The following AGL variants were observed in gnomAD, a reference collection of about 807,000 sequenced individuals.
AGL encodes amylo-alpha-1,6-glucosidase and 4-alpha-glucanotransferase, also known as glycogen debranching enzyme.
In AGL, 128 loss-of-function variants were observed where a neutral mutation model predicts 199.3. That is an observed-to-expected ratio of 0.64 (90% CI 0.56 to 0.74). The LOEUF (loss-of-function observed/expected upper bound fraction) is 0.74, where lower values mean the gene tolerates loss of function less well. Among genes scored for constraint, AGL ranks in the 30% least tolerant of loss-of-function variants. The probability of loss-of-function intolerance (pLI) is 0.00; values close to 1 mark genes in which losing one functional copy is unlikely to be tolerated. For synonymous variants in AGL, 584 were observed against 594.7 expected, an observed-to-expected ratio of 0.98 and a Z score of 0.26; for missense variants, 1,809 against 1,820.8, an observed-to-expected ratio of 0.99 and a Z score of 0.12.
In AGL at chr1:99,923,694, T is replaced by C. The variant is rs1479524882; in HGVS notation, c.*2043T>C. ...GAATTAGATTTTTAACAGGTGTCATTTGACTAAACGTTTCGGTAGAATGCT... is the reference window on the plus strand; with the variant it reads ...GAATTAGATTTTTAACAGGTGTCATCTGACTAAACGTTTCGGTAGAATGCT... On this transcript the variant is annotated 3_prime_UTR_variant, in exon 34 of 34. Coordinates refer to ENST00000361915, the MANE Select transcript of AGL (RefSeq NM_000642.3). The C allele has an allele frequency of 1.3e-5, 2 of 152,192 alleles. No individual in the cohort carries two copies. Among genetic ancestry groups the C allele is most frequent in the African/African-American group, 4.8e-5 (2 of 41,462 alleles). The allele number at this position is 152,192 out of a possible 1,614,324, so 9.4% of individuals were successfully genotyped here.
In AGL at chr1:99,900,690, A is replaced by G; in HGVS notation, c.3417A>G (p.Leu1139=). ...TGAGGCATGGTCTCATTCCTAATCT[A>G]CTGGGTGAAGGAATTTATGCCAGAT... The part of the protein sequence containing the change: ...GTLRHGLIPN[L]LGEGIYARYN... The change falls in exon 26 of 34, where the codon CTA becomes CTG. Residue 1139 remains leucine (L), a synonymous_variant. Transcript: ENST00000361915. 1 of 1,614,114 alleles carries G rather than the reference A, an allele frequency of 6.2e-7. No homozygotes were observed. The highest frequency in any genetic ancestry group is 8.5e-7 in the Non-Finnish European group (1 of 1,180,022).
At chr1:99,914,603 T>A (rs1354207079) in intron 30 of AGL, among the ~76,000 whole-genome samples, 1 of 152,208 alleles carries the variant, frequency 6.6e-6, no homozygotes, top group Non-Finnish European at 1.5e-5. Flanking sequence ...ACCATTAAAA[T>A]TAATGCATAT....
chr1:99,866,457 A>G (rs1442157559), intron 5 of AGL, among the ~76,000 whole-genome samples: 1 of 152,158 alleles, frequency 6.6e-6, no homozygotes, highest in African/African-American at 2.4e-5. Context: ...CATTCTCCCC[A>G]GTGGAAATGA....
intron 27 of AGL, among the ~76,000 whole-genome samples, chr1:99,905,781 A>G (rs545224962): frequency 6.6e-5 from 10 of 151,944 alleles, no homozygotes; most frequent in South Asian, 6.2e-4. Context: ...GAGTCTCCCT[A>G]TGTTCCCCAG....
chr1:99,916,342 T>A (rs1301139385), intron 31 of AGL, 68 bp from the exon 32 acceptor site: 1 of 1,259,494 alleles, frequency 7.9e-7, no homozygotes. Context: ...GTTATTGAAA[T>A]TTTTCTAATG....
intron 27 of AGL, among the ~76,000 whole-genome samples, chr1:99,910,496 A>G (rs1224285804): frequency 3.3e-5 from 5 of 152,154 alleles, no homozygotes; most frequent in East Asian, 1.9e-4. Flanking sequence ...TCTCTAGAAT[A>G]TATATAGAAA....
chr1:99,877,024 T>TC (rs1349181637), intron 11 of AGL, among the ~76,000 whole-genome samples: 2 of 152,142 alleles, frequency 1.3e-5, no homozygotes, highest in Non-Finnish European at 2.9e-5. Context: ...TGGTTTTAGG[T>TC]CCCCCCTCAC....
At chr1:99,870,608 C>T in intron 6 of AGL, 27 bp downstream of exon 6, 1 of 1,612,226 alleles carries the variant, frequency 6.2e-7, no homozygotes, top group South Asian at 1.1e-5. Context: ...GAGTATCACA[C>T]TAAAACAGAA....
At chr1:99,885,854 A>G (rs1371961597) in intron 20 of AGL, among the ~76,000 whole-genome samples, 8 of 152,214 alleles carry the variant, frequency 5.3e-5, no homozygotes, top group Non-Finnish European at 1.2e-4. Flanking sequence ...TAGTAGAAAT[A>G]AAGTACACAA....
At chr1:99,876,070 T>TC (rs1315451948) in intron 10 of AGL, among the ~76,000 whole-genome samples, 1 of 152,062 alleles carries the variant, frequency 6.6e-6, no homozygotes, top group Non-Finnish European at 1.5e-5. Context: ...AGACGGGGTT[T>TC]CCCCATGTTG....
intron 27 of AGL, among the ~76,000 whole-genome samples, chr1:99,907,748 G>C (rs1404454135): frequency 7.5e-6 from 1 of 132,854 alleles, no homozygotes; most frequent in Non-Finnish European, 1.6e-5. Context: ...TAATGGTTTT[G>C]ATTTGCATTT....
At chr1:99,851,798 A>T (rs1308246828) in intron 2 of AGL, among the ~76,000 whole-genome samples, 1 of 152,170 alleles carries the variant, frequency 6.6e-6, no homozygotes, top group Non-Finnish European at 1.5e-5. Flanking sequence ...ATATATGAAA[A>T]ATCCAGTCCC....
chr1:99,883,028 G>A (rs1490678165), intron 17 of AGL, among the ~76,000 whole-genome samples: 1 of 152,122 alleles, frequency 6.6e-6, no homozygotes, highest in Non-Finnish European at 1.5e-5. Context: ...TTTGGTCACA[G>A]ATCATTCTTA....
chr1:99,881,965 T>C (rs1280856248), intron 17 of AGL, among the ~76,000 whole-genome samples: 1 of 151,470 alleles, frequency 6.6e-6, no homozygotes, highest in African/African-American at 2.4e-5. Flanking sequence ...ACACCCTGTC[T>C]CTATCAAAAA....
At chr1:99,863,808 C>G (rs142189456) in intron 4 of AGL, among the ~76,000 whole-genome samples, 2,203 of 146,842 alleles carry the variant, frequency 0.015, 32 homozygotes, top group Middle Eastern at 0.092. Context: ...GTGCAGTGGC[C>G]TGATCTATTT....
At position 99,864,561 on chromosome 1, in the gene AGL, T is replaced by C. The variant is rs1466649732; in HGVS notation, c.636T>C (p.Cys212=). The C allele has an allele frequency of 1.9e-6, 3 of 1,613,868 alleles. No homozygotes were observed. The highest frequency in any genetic ancestry group is 1.7e-6 in the Non-Finnish European group (2 of 1,179,862). ...EKLKKEWNVI[C]ITDVVYNHTA... ...TAAAAAAGGAATGGAATGTTATTTG[T>C]ATTACTGATGTTGTCTACAATCATA... is the stretch of plus-strand genomic sequence containing the variant. Residue 212 remains cysteine (C), a synonymous_variant, in exon 5 of 34, where the codon TGT becomes TGC. Coordinates refer to ENST00000361915, the MANE Select transcript of AGL (RefSeq NM_000642.3).
rs962301556 is a variant in AGL, at chr1:99,881,776, A to G, written c.2308+85A>G. The G allele has an allele frequency of 2.0e-4, 238 of 1,169,662 alleles. 1 individual carries two copies. Among genetic ancestry groups the G allele is most frequent in the Admixed American group, 3.2e-4 (14 of 43,566 alleles). The allele number at this position is 1,169,662 out of a possible 1,614,324, so 72.5% of individuals were successfully genotyped here. On this transcript the variant is annotated intron_variant, in intron 17 of 33. Coordinates refer to ENST00000361915, the MANE Select transcript of AGL (RefSeq NM_000642.3). ...GTAATGTTATGGTTATATATCATGT[A>G]TATATCATATATATTATAACACAGT...
intron 21 of AGL, among the ~76,000 whole-genome samples, chr1:99,889,274 TTGTC>T (rs1652700470): frequency 6.6e-6 from 1 of 152,276 alleles, no homozygotes; most frequent in Non-Finnish European, 1.5e-5. Context: ...TTTATGCTTC[TTGTC>T]TTTTAGCTTT....
In AGL at chr1:99,875,348, T is replaced by A; in HGVS notation, c.1186-10T>A. The stretch of plus-strand genomic sequence containing the variant: ...ATGGTGATGATCTAACACAATTTAA[T>A]GTTTTTCAGGCAGTTAATTGCCTTT... On this transcript the variant is annotated splice_polypyrimidine_tract_variant and intron_variant, in intron 9 of 33. Coordinates refer to ENST00000361915, the MANE Select transcript of AGL (RefSeq NM_000642.3). 6.2e-7 allele frequency: 1 copy of A among 1,614,084 alleles called. No homozygotes were observed. Among genetic ancestry groups the A allele is most frequent in the Non-Finnish European group, 8.5e-7 (1 of 1,179,938 alleles).
Sources: allele counts gnomAD v4.1 joint callset (sites outside exome capture counted in the v4.1 genomes callset), GRCh38; gene constraint gnomAD v4.1.1; transcripts MANE v1.5; gene names NCBI Gene and HGNC (gene_info 2026-07-23, HGNC 2026-07-21).